The following NOVA1 variants were observed in gnomAD, a reference collection of about 807,000 sequenced individuals.
The protein encoded by NOVA1 is RNA-binding protein Nova-1.
NOVA1 carries 7 observed loss-of-function variants against 38.0 expected under a neutral mutation model. That is an observed-to-expected ratio of 0.18 (90% CI 0.10 to 0.35). NOVA1 has a LOEUF of 0.35. Among genes scored for constraint, NOVA1 ranks in the 10% least tolerant of loss-of-function variants. The pLI, the probability that NOVA1 is intolerant of heterozygous loss-of-function variation, is 1.00. For synonymous variants in NOVA1, 270 were observed against 232.5 expected (o/e 1.16, Z -1.47); for missense variants, 460 against 616.0 (o/e 0.75, Z 2.68).
chr14:26,585,437 A>C (rs953003811), intron 2 of NOVA1, among the ~76,000 whole-genome samples: 1 of 151,260 alleles, frequency 6.6e-6, no homozygotes, highest in East Asian at 1.9e-4. Context: ...ACAAAGTCAC[A>C]TGTTAACTTC....
intron 2 of NOVA1, among the ~76,000 whole-genome samples, chr14:26,553,332 C>A (rs1891278060): frequency 6.6e-6 from 1 of 152,180 alleles, no homozygotes; most frequent in Non-Finnish European, 1.5e-5. Flanking sequence ...TCTTCCTTAT[C>A]CAGAAGTGCC....
intron 2 of NOVA1, among the ~76,000 whole-genome samples, chr14:26,512,482 T>C (rs534184819): frequency 5.9e-5 from 9 of 152,300 alleles, no homozygotes; most frequent in African/African-American, 2.2e-4. Flanking sequence ...ACATTTCTAG[T>C]TAGCTTCAAC....
At chr14:26,569,086 T>C (rs1892312091) in intron 2 of NOVA1, among the ~76,000 whole-genome samples, 1 of 152,152 alleles carries the variant, frequency 6.6e-6, no homozygotes, top group Non-Finnish European at 1.5e-5. Flanking sequence ...GGTAAATTGC[T>C]AAGAAAACTT....
At chr14:26,568,062 G>T (rs887047391) in intron 2 of NOVA1, among the ~76,000 whole-genome samples, 4 of 152,114 alleles carry the variant, frequency 2.6e-5, no homozygotes, top group Non-Finnish European at 1.5e-5. Flanking sequence ...GGAACTGCTG[G>T]GATCTTGGGA....
intron 2 of NOVA1, among the ~76,000 whole-genome samples, chr14:26,576,709 G>A (rs946593331): frequency 2.6e-5 from 4 of 151,322 alleles, no homozygotes; most frequent in Non-Finnish European, 5.9e-5. Flanking sequence ...TAATGAACAG[G>A]TATTATTCAG....
intron 4 of NOVA1, among the ~76,000 whole-genome samples, chr14:26,455,774 A>T (rs2138585509): frequency 6.6e-6 from 1 of 152,174 alleles, no homozygotes; most frequent in South Asian, 2.1e-4. Flanking sequence ...TCCTGTTGAG[A>T]TGATGAGCAC....
chr14:26,587,308 T>TATA (rs1555331880), intron 2 of NOVA1, among the ~76,000 whole-genome samples: 28 of 123,704 alleles, frequency 2.3e-4, no homozygotes, highest in Admixed American at 1.7e-3. Context: ...CTAAAATATA[T>TATA]AAAAAAAAAA....
At chr14:26,557,443 C>T (rs55743217) in intron 2 of NOVA1, among the ~76,000 whole-genome samples, 1 of 152,002 alleles carries the variant, frequency 6.6e-6, no homozygotes, top group East Asian at 1.9e-4. Flanking sequence ...ACTGCAGCCT[C>T]GACATCCTCC....
rs947678833 is a variant in NOVA1, at chr14:26,470,623, C to T, written c.519+1697G>A. 5.3e-5 allele frequency: 31 copies of T among 584,976 alleles called. No homozygotes were observed. In the Admixed American group the frequency reaches 8.4e-4, roughly 16 times the overall value. The allele number at this position is 584,976 out of a possible 1,614,324, so 36.2% of individuals were successfully genotyped here. A position where few individuals can be genotyped will look rare whatever the true frequency, so the allele number is the denominator to read the frequency against. On this transcript the variant is annotated intron_variant, in intron 4 of 4. Coordinates refer to ENST00000539517, the MANE Select transcript of NOVA1 (RefSeq NM_002515.3). ...AGATTTGGCAAGGGTAAATGTAGCACTTTATCTAGAGGGTGAAAATACAAC... is the reference window on the plus strand; with the variant it reads ...AGATTTGGCAAGGGTAAATGTAGCATTTTATCTAGAGGGTGAAAATACAAC...
chr14:26,571,944 G>A (rs1222670383), intron 2 of NOVA1, among the ~76,000 whole-genome samples: 1 of 152,124 alleles, frequency 6.6e-6, no homozygotes, highest in East Asian at 1.9e-4. Context: ...AATAAAGAAG[G>A]TGAAAGCATA....
chr14:26,592,128 C>A (rs1321668622), intron 2 of NOVA1, among the ~76,000 whole-genome samples: 1 of 151,384 alleles, frequency 6.6e-6, no homozygotes, highest in East Asian at 1.9e-4. Context: ...TCATTTCCAA[C>A]CAATAATGCA....
At position 26,597,987 on chromosome 14, in the gene NOVA1, G is replaced by T. The variant is rs1375626437; in HGVS notation, c.-551C>A. ...CCCGCGCCGCGCTAGCGTTGCGCTC[G>T]CTCCCGCTGCTGGTGCTGCCGCCGC... On this transcript the variant is annotated 5_prime_UTR_variant, in exon 1 of 5. Coordinates refer to ENST00000539517, the MANE Select transcript of NOVA1 (RefSeq NM_002515.3). Among the ~76,000 whole-genome samples the T allele has an allele frequency of 6.6e-6, 1 of 151,628 alleles. No homozygotes were observed. Among genetic ancestry groups the T allele is most frequent in the Non-Finnish European group, 1.5e-5 (1 of 67,864 alleles).
At chr14:26,508,416 A>G (rs1449787701) in intron 2 of NOVA1, among the ~76,000 whole-genome samples, 1 of 152,052 alleles carries the variant, frequency 6.6e-6, no homozygotes, top group Non-Finnish European at 1.5e-5. Flanking sequence ...AAATTTCTAT[A>G]AATATTCATG....
chr14:26,493,587 C>A (rs1331634112), intron 2 of NOVA1, among the ~76,000 whole-genome samples: 2 of 152,216 alleles, frequency 1.3e-5, no homozygotes, highest in East Asian at 3.9e-4. Context: ...AGTGTCAAAC[C>A]CAGTCTTCCT....
At chr14:26,530,284 C>A (rs2138547857) in intron 2 of NOVA1, among the ~76,000 whole-genome samples, 1 of 152,304 alleles carries the variant, frequency 6.6e-6, no homozygotes, top group Admixed American at 6.5e-5. Context: ...ACTTGTCTAC[C>A]TGCTGCATGC....
At chr14:26,493,886 A>G (rs964802151) in intron 2 of NOVA1, among the ~76,000 whole-genome samples, 2 of 152,082 alleles carry the variant, frequency 1.3e-5, no homozygotes, top group African/African-American at 4.8e-5. Context: ...GTATTTCACT[A>G]CCCCTGCTCC....
intron 2 of NOVA1, 102 bp downstream of exon 2, chr14:26,595,308 T>C: frequency 5.3e-6 from 6 of 1,139,804 alleles, no homozygotes; most frequent in Non-Finnish European, 6.3e-6. Flanking sequence ...AAATAAAGTC[T>C]CCAGTATTGT....
intron 2 of NOVA1, among the ~76,000 whole-genome samples, chr14:26,491,102 G>A (rs184634931): frequency 2.6e-3 from 397 of 151,930 alleles, no homozygotes; most frequent in African/African-American, 6.8e-3. Context: ...CGCCTGCCTC[G>A]GCCTCCCAAA....
At chr14:26,504,712 G>C (rs576233541) in intron 2 of NOVA1, among the ~76,000 whole-genome samples, 1 of 151,432 alleles carries the variant, frequency 6.6e-6, no homozygotes, top group East Asian at 2.0e-4. Flanking sequence ...TCAGTGCTTT[G>C]AAGTATGCCC....
Sources: gnomAD v4.1 joint callset for allele counts (sites outside exome capture counted in the v4.1 genomes callset) on GRCh38, gnomAD v4.1.1 for gene constraint, MANE v1.5 for transcripts, NCBI Gene and HGNC (gene_info 2026-07-23, HGNC 2026-07-21) for gene names.